Variants in NRXN1 observed in about 807,000 individuals in gnomAD.
NRXN1 encodes the protein neurexin 1, also known as neurexin-1.
A neutral mutation model predicts 150.9 loss-of-function variants in NRXN1; 39 were observed. The observed-to-expected ratio is 0.26, with a 90% CI of 0.20 to 0.34. The LOEUF (loss-of-function observed/expected upper bound fraction) is 0.34, where lower values mean the gene tolerates loss of function less well. Among genes scored for constraint, NRXN1 ranks in the 10% least tolerant of loss-of-function variants. The pLI is 1.00. For missense variants in NRXN1, 1,815 were observed against 1,949.9 expected (o/e 0.93, Z 1.30); for synonymous variants, 924 against 757.0 (o/e 1.22, Z -3.62).
chr2:50,714,402 C>T (rs752774406), intron 5 of NRXN1, among the ~76,000 whole-genome samples: 10 of 151,962 alleles, frequency 6.6e-5, no homozygotes, highest in Admixed American at 6.6e-4. Context: ...CCCTTCTTGA[C>T]CCTAGCATTT....
chr2:50,622,688 A>G (rs1213311722), intron 6 of NRXN1, among the ~76,000 whole-genome samples: 1 of 152,214 alleles, frequency 6.6e-6, no homozygotes, highest in Non-Finnish European at 1.5e-5. Flanking sequence ...AAAAAATACA[A>G]TTAAATAGAA....
Position 50,053,464 on chromosome 2 carries a change from G to A in NRXN1, c.3935C>T (p.Ala1312Val), listed in dbSNP as rs781077680. The stretch of plus-strand genomic sequence containing the variant: ...TATGGCGATGTTGGCATCGTTTTCG[G>A]CTGCCATATTCAGAACTTTCAAGCC... ...YNGLKVLNMA[A>V]ENDANIAIVG... is the part of the protein sequence containing the mutation. Residue 1312 changes from alanine (A) to valine (V), a missense_variant, in exon 21 of 23, where the codon GCC becomes GTC. Ala to Val is a moderately conservative substitution (Grantham distance 64). Around this residue, in one of 6 missense-constraint regions of NRXN1, gnomAD observed 265 missense variants for 307.1 expected, o/e 0.86. Transcript: ENST00000401669. 7.4e-6 allele frequency: 12 copies of A among 1,613,822 alleles called. No individual in the cohort carries two copies. Among genetic ancestry groups the A allele is most frequent in the Non-Finnish European group, 1.0e-5 (12 of 1,179,904 alleles).
At chr2:50,190,161 A>G (rs2061356199) in intron 18 of NRXN1, among the ~76,000 whole-genome samples, 1 of 152,186 alleles carries the variant, frequency 6.6e-6, no homozygotes, top group South Asian at 2.1e-4. Context: ...AATGGTAAAT[A>G]TCATAAGTTA....
At chr2:50,069,593 C>A (rs927053158) in intron 19 of NRXN1, among the ~76,000 whole-genome samples, 1 of 152,076 alleles carries the variant, frequency 6.6e-6, no homozygotes, top group African/African-American at 2.4e-5. Flanking sequence ...ACTTATGGTG[C>A]CTTGACAATT....
chr2:50,721,905 A>T (rs1696707500), intron 5 of NRXN1, among the ~76,000 whole-genome samples: 1 of 152,168 alleles, frequency 6.6e-6, no homozygotes, highest in African/African-American at 2.4e-5. Flanking sequence ...GCTGAAATTA[A>T]AAACCTCAAC....
chr2:49,940,707 T>C (rs1243789834), intron 22 of NRXN1, among the ~76,000 whole-genome samples: 3 of 152,136 alleles, frequency 2.0e-5, no homozygotes, highest in Non-Finnish European at 4.4e-5. Flanking sequence ...CACCTTCATA[T>C]GAAGCATTAA....
intron 21 of NRXN1, among the ~76,000 whole-genome samples, chr2:49,990,819 C>T (rs1047912140): frequency 5.9e-5 from 9 of 152,190 alleles, no homozygotes; most frequent in African/African-American, 2.2e-4. Flanking sequence ...CTAATGTTGG[C>T]ACTATTAGCA....
At chr2:51,002,386 G>A (rs1700184743) in intron 2 of NRXN1, among the ~76,000 whole-genome samples, 1 of 151,906 alleles carries the variant, frequency 6.6e-6, no homozygotes, top group Admixed American at 6.6e-5. Flanking sequence ...CAAATGACAT[G>A]CTTTCGTAGA....
In NRXN1 at chr2:50,538,412, C is replaced by T. The variant is rs2105259460; in HGVS notation, c.1984G>A (p.Val662Ile). ...GGCTTCACTCCAGCAGTACTTTGAA[C>T]TTCAGCCATTTGCCGGATATCTTTG... is the stretch of plus-strand genomic sequence containing the variant. Reference protein sequence around the residue: ...QSKDIRQMAEVQSTAGVKPSC... With the variant: ...QSKDIRQMAEIQSTAGVKPSC... The change falls in exon 10 of 23, where the codon GTT (valine) becomes ATT (isoleucine). Residue 662 changes from valine to isoleucine, a missense_variant. Around this residue, in one of 6 missense-constraint regions of NRXN1, gnomAD observed 638 missense variants for 652.6 expected, o/e 0.98. Coordinates refer to ENST00000401669, the MANE Select transcript of NRXN1 (RefSeq NM_001330078.2). 1.2e-6 allele frequency: 2 copies of T among 1,614,008 alleles called. No individual in the cohort carries two copies. Among genetic ancestry groups the T allele is most frequent in the Non-Finnish European group, 1.7e-6 (2 of 1,179,886 alleles).
At chr2:50,339,394 C>T (rs2077401522) in intron 17 of NRXN1, among the ~76,000 whole-genome samples, 1 of 151,930 alleles carries the variant, frequency 6.6e-6, no homozygotes, top group African/African-American at 2.4e-5. Context: ...ATCTCAGAGC[C>T]CAAAGGGTTC....
chr2:50,189,685 C>T (rs1439784258), intron 18 of NRXN1, among the ~76,000 whole-genome samples: 62 of 151,902 alleles, frequency 4.1e-4, no homozygotes, highest in Admixed American at 4.0e-3. Flanking sequence ...GGAAGTCACT[C>T]AGTATAAGCA....
chr2:50,764,725 C>G (rs1229500153), intron 5 of NRXN1, among the ~76,000 whole-genome samples: 1 of 151,876 alleles, frequency 6.6e-6, no homozygotes, highest in Non-Finnish European at 1.5e-5. Flanking sequence ...AAAGGTGCTT[C>G]AGAAAATCCT....
intron 8 of NRXN1, among the ~76,000 whole-genome samples, chr2:50,605,085 C>G (rs1298995929): frequency 6.6e-6 from 1 of 152,092 alleles, no homozygotes; most frequent in South Asian, 2.1e-4. Flanking sequence ...GCAATAAATG[C>G]TATGATAGAG....
chr2:50,587,419 A>G (rs977055865), intron 8 of NRXN1, among the ~76,000 whole-genome samples: 7 of 152,266 alleles, frequency 4.6e-5, no homozygotes, highest in Admixed American at 1.3e-4. Flanking sequence ...CAGGATGGGG[A>G]GGTTGCAGTG....
At chr2:50,762,078 T>C (rs1430379489) in intron 5 of NRXN1, among the ~76,000 whole-genome samples, 2 of 151,342 alleles carry the variant, frequency 1.3e-5, no homozygotes, top group African/African-American at 4.9e-5. Context: ...TGTGATCATG[T>C]GAATCAATAC....
chr2:51,027,472 G>A (rs199617387), intron 2 of NRXN1, 30 bp downstream of exon 2: 156 of 1,482,030 alleles, frequency 1.1e-4, no homozygotes, highest in Non-Finnish European at 1.2e-4. Flanking sequence ...CCCAGGCCCC[G>A]GCCCCCGTGG....
chr2:50,867,506 T>C (rs1677116623), intron 5 of NRXN1, among the ~76,000 whole-genome samples: 1 of 151,910 alleles, frequency 6.6e-6, no homozygotes, highest in African/African-American at 2.4e-5. Flanking sequence ...TTTATTTAGT[T>C]AGATTTTCTT....
intron 19 of NRXN1, among the ~76,000 whole-genome samples, chr2:50,078,527 A>G (rs1697427117): frequency 6.6e-6 from 1 of 152,010 alleles, no homozygotes; most frequent in Admixed American, 6.5e-5. Context: ...ATTTTGTTTT[A>G]CCAGTTTTCA....
intron 18 of NRXN1, among the ~76,000 whole-genome samples, chr2:50,231,468 A>G (rs1216903146): frequency 6.6e-6 from 1 of 152,116 alleles, no homozygotes; most frequent in Admixed American, 6.6e-5. Flanking sequence ...TCTACACTAA[A>G]ACCAATGATC....
Sources: gnomAD v4.1 joint callset for allele counts (sites outside exome capture counted in the v4.1 genomes callset) on GRCh38, gnomAD v4.1.1 for gene constraint, gnomAD v4.1.1 regional missense constraint, MANE v1.5 for transcripts, NCBI Gene and HGNC (gene_info 2026-07-23, HGNC 2026-07-21) for gene names.